ERCC8: variants seen among roughly 807,000 people sequenced by gnomAD.
The protein encoded by ERCC8 is DNA excision repair protein ERCC-8.
A neutral mutation model predicts 54.9 loss-of-function variants in ERCC8; 52 were observed. The observed-to-expected ratio is 0.95, with a 90% CI of 0.76 to 1.19. ERCC8 has a LOEUF of 1.19. Ranked by LOEUF, ERCC8 falls within the 50% of genes most tolerant of loss-of-function variation. ERCC8 has a pLI of 0.00. For missense variants in ERCC8, 514 were observed against 466.1 expected, an observed-to-expected ratio of 1.10 and a Z score of -0.95; for synonymous variants, 146 against 157.2, an observed-to-expected ratio of 0.93 and a Z score of 0.53.
At chr5:60,944,316 T>C (rs1179669371) in intron 1 of ERCC8, among the ~76,000 whole-genome samples, 1 of 152,158 alleles carries the variant, frequency 6.6e-6, no homozygotes, top group African/African-American at 2.4e-5. Flanking sequence ...TTACCTAACT[T>C]GGCTCCCACT....
At chr5:60,899,140 T>G (rs1273981023) in intron 8 of ERCC8, among the ~76,000 whole-genome samples, 1 of 151,868 alleles carries the variant, frequency 6.6e-6, no homozygotes, top group African/African-American at 2.4e-5. Flanking sequence ...TTCTAATATA[T>G]TTCTGGTCCA....
At chr5:60,938,903 T>C (rs1750173694) in intron 1 of ERCC8, among the ~76,000 whole-genome samples, 2 of 152,244 alleles carry the variant, frequency 1.3e-5, no homozygotes, top group African/African-American at 2.4e-5. Flanking sequence ...TTGTTTACAG[T>C]TGTCTGATCT....
chr5:60,871,647 C>T lies in ERCC8; in HGVS notation c.*2968G>A, dbSNP rs183301855. On this transcript the variant is annotated 3_prime_UTR_variant, in exon 12 of 12. Transcript: ENST00000676185. ...CTTATGGTATTATAATTCCAGGTGA[C>T]CACTACCTTCCTTTTTAGATTTTTA... Among the ~76,000 whole-genome samples the T allele has an allele frequency of 3.5e-4, 54 of 152,184 alleles. No individual in the cohort carries two copies. The highest frequency in any genetic ancestry group is 6.8e-4 in the Non-Finnish European group (46 of 68,004).
intron 9 of ERCC8, chr5:60,892,639 G>T: frequency 1.5e-6 from 1 of 659,674 alleles, no homozygotes; most frequent in Non-Finnish European, 2.8e-6. Context: ...ATCTCCTCCA[G>T]GTTGCAGCAC....
At chr5:60,933,306 A>T (rs1171620824) in intron 1 of ERCC8, among the ~76,000 whole-genome samples, 4 of 141,626 alleles carry the variant, frequency 2.8e-5, no homozygotes, top group Admixed American at 7.5e-5. Context: ...GCAACCTCCA[A>T]CTCCCAGGTT....
intron 11 of ERCC8, among the ~76,000 whole-genome samples, chr5:60,879,048 C>G (rs1295813634): frequency 6.6e-6 from 1 of 152,104 alleles, no homozygotes; most frequent in Non-Finnish European, 1.5e-5. Flanking sequence ...GAATGTGTCT[C>G]AGAGATTCTG....
chr5:60,880,590 C>CG, intron 11 of ERCC8, among the ~76,000 whole-genome samples: 1 of 152,238 alleles, frequency 6.6e-6, no homozygotes, highest in South Asian at 2.1e-4. Flanking sequence ...CTCTAAACTT[C>CG]TCTTCTCACT....
Position 60,890,938 on chromosome 5 carries a change from T to G in ERCC8, c.992A>C (p.Lys331Thr). 2 of 1,613,706 alleles carry G rather than the reference T, an allele frequency of 1.2e-6. No homozygotes were observed. The highest frequency in any genetic ancestry group is 1.7e-6 in the Non-Finnish European group (2 of 1,179,764). ...VYSGEQITML[K>T]GHYKTVDCCV... is the part of the protein sequence containing the mutation. ...GCAGTCAACAGTTTTATAATGTCCCTTAAGCATAGTTATCTGTTCTCCTGA... is the reference window on the plus strand; with the variant it reads ...GCAGTCAACAGTTTTATAATGTCCCGTAAGCATAGTTATCTGTTCTCCTGA... Residue 331 changes from lysine to threonine, a missense_variant, in exon 10 of 12, where the codon AAG (lysine) becomes ACG (threonine). Transcript: ENST00000676185.
At chr5:60,894,368 T>A (rs761626209) in intron 9 of ERCC8, among the ~76,000 whole-genome samples, 2 of 152,164 alleles carry the variant, frequency 1.3e-5, no homozygotes, top group Non-Finnish European at 2.9e-5. Flanking sequence ...AATGGGGTAA[T>A]AACTGAGAAT....
intron 9 of ERCC8, chr5:60,892,675 T>C (rs1258155787): frequency 1.2e-5 from 8 of 666,912 alleles, no homozygotes; most frequent in Non-Finnish European, 1.9e-5. Flanking sequence ...ACTGGGGTCA[T>C]GGGGTCTGCC....
chr5:60,906,730 A>AAAAT lies in ERCC8; in HGVS notation c.400-1861_400-1858dup, dbSNP rs142093470. Among the ~76,000 whole-genome samples, 175 of 149,938 alleles carry AAAAT rather than the reference A, an allele frequency of 1.2e-3. 1 individual carries two copies. Among genetic ancestry groups the AAAAT allele is most frequent in the African/African-American group, 2.9e-3 (117 of 40,648 alleles). ...GGCAACGGAGCAAAACTCTGTCTCA[A>AAAAT]AAATAAATAAATAAATAAATAAATA... is the stretch of plus-strand genomic sequence containing the variant. On this transcript the variant is annotated intron_variant, in intron 4 of 11. Coordinates refer to ENST00000676185, the MANE Select transcript of ERCC8 (RefSeq NM_000082.4).
rs1237866848 is a variant in ERCC8, at chr5:60,935,970, G to A, written c.78-7011C>T. On this transcript the variant is annotated intron_variant, in intron 1 of 11. Transcript: ENST00000676185. The stretch of plus-strand genomic sequence containing the variant: ...TTTTGTTGGGGGTTTTTGCATCTAT[G>A]TTCATCAGGGATGTTGGTCTGCGGT... Among the ~76,000 whole-genome samples the A allele has an allele frequency of 2.0e-5, 3 of 152,224 alleles. No individual in the cohort carries two copies. In the South Asian group the frequency reaches 6.2e-4, roughly 32 times the overall value.
chr5:60,906,947 A>ATAT (rs1749093321), intron 4 of ERCC8, among the ~76,000 whole-genome samples: 2 of 152,160 alleles, frequency 1.3e-5, no homozygotes, highest in African/African-American at 4.8e-5. Context: ...GGCAGTTTCA[A>ATAT]TATTTGTGTC....
intron 10 of ERCC8, among the ~76,000 whole-genome samples, chr5:60,888,055 A>G (rs553905124): frequency 6.6e-6 from 1 of 152,300 alleles, no homozygotes; most frequent in East Asian, 1.9e-4. Context: ...GCCTATGTCA[A>G]TGTCTACAGA....
At chr5:60,933,801 C>T (rs1484853169) in intron 1 of ERCC8, among the ~76,000 whole-genome samples, 2 of 152,148 alleles carry the variant, frequency 1.3e-5, no homozygotes, top group East Asian at 3.9e-4. Context: ...GCTCAGCTCC[C>T]ACTTATGAGT....
intron 11 of ERCC8, among the ~76,000 whole-genome samples, chr5:60,880,085 T>G (rs1221085263): frequency 6.6e-6 from 1 of 152,216 alleles, no homozygotes; most frequent in East Asian, 1.9e-4. Context: ...TCTCAGCATT[T>G]GCTTGTCTGT....
In ERCC8 at chr5:60,871,652, ACCTT is replaced by A. The variant is rs1428627034; in HGVS notation, c.*2959_*2962del. ...GGTATTATAATTCCAGGTGACCACT[ACCTT>A]CCTTTTTAGATTTTTATGTTGTTTG... On this transcript the variant is annotated 3_prime_UTR_variant, in exon 12 of 12. Coordinates refer to ENST00000676185, the MANE Select transcript of ERCC8 (RefSeq NM_000082.4). 6.6e-6 allele frequency among the ~76,000 whole-genome samples: 1 copy of A among 152,158 alleles called. No individual in the cohort carries two copies. Among genetic ancestry groups the A allele is most frequent in the Non-Finnish European group, 1.5e-5 (1 of 68,022 alleles).
chr5:60,872,723 A>G lies in ERCC8; in HGVS notation c.*1892T>C, dbSNP rs767368332. On this transcript the variant is annotated 3_prime_UTR_variant, in exon 12 of 12. Transcript: ENST00000676185. ...CTTGCATATTCTTGGTAGGAATGTA[A>G]ATTAGTACAGCCATTATGGAAGACA... Among the ~76,000 whole-genome samples, 2 of 152,212 alleles carry G rather than the reference A, an allele frequency of 1.3e-5. No individual in the cohort carries two copies. The highest frequency in any genetic ancestry group is 2.9e-5 in the Non-Finnish European group (2 of 68,024).
chr5:60,944,608 G>A (rs1750368130), intron 1 of ERCC8, among the ~76,000 whole-genome samples: 1 of 152,142 alleles, frequency 6.6e-6, no homozygotes, highest in Admixed American at 6.5e-5. Context: ...TCCGTGGAGG[G>A]CAGTTATTCT....
Sources: gnomAD v4.1 joint callset for allele counts (sites outside exome capture counted in the v4.1 genomes callset) on GRCh38, gnomAD v4.1.1 for gene constraint, MANE v1.5 for transcripts, NCBI Gene and HGNC (gene_info 2026-07-23, HGNC 2026-07-21) for gene names.